The following NWD2 variants were observed in gnomAD, a reference collection of about 807,000 sequenced individuals.
NWD2 encodes NACHT and WD repeat domain-containing protein 2.
NWD2 carries 37 observed loss-of-function variants against 132.7 expected under a neutral mutation model. The ratio of observed to expected loss-of-function variants is 0.28; its 90% CI spans 0.21 to 0.37. The LOEUF (loss-of-function observed/expected upper bound fraction) is 0.37. Among genes scored for constraint, NWD2 ranks in the 10% least tolerant of loss-of-function variants. The pLI is 1.00. For missense variants in NWD2, 1,592 were observed against 2,122.4 expected (o/e 0.75, Z 4.91); for synonymous variants, 705 against 803.0 (o/e 0.88, Z 2.06).
At chr4:37,247,635 G>A (rs1228788634) in intron 1 of NWD2, among the ~76,000 whole-genome samples, 1 of 151,534 alleles carries the variant, frequency 6.6e-6, no homozygotes, top group Non-Finnish European at 1.5e-5. Context: ...TTGAGACAGA[G>A]TCTCGCTCTT....
At chr4:37,438,243 A>G (rs1034748878) in intron 5 of NWD2, among the ~76,000 whole-genome samples, 4 of 151,704 alleles carry the variant, frequency 2.6e-5, no homozygotes. Flanking sequence ...CCTGGGCGAC[A>G]GAGCGAGACT....
At chr4:37,252,629 C>G (rs1371318718) in intron 1 of NWD2, among the ~76,000 whole-genome samples, 1 of 152,172 alleles carries the variant, frequency 6.6e-6, no homozygotes, top group Non-Finnish European at 1.5e-5. Flanking sequence ...CAGCTTCTTT[C>G]AGCTAAGCCT....
chr4:37,442,314 T>G (rs1712507645), intron 6 of NWD2, among the ~76,000 whole-genome samples: 1 of 152,252 alleles, frequency 6.6e-6, no homozygotes, highest in Admixed American at 6.5e-5. Context: ...GAGTATTTTA[T>G]GCCTTGGGCA....
intron 1 of NWD2, among the ~76,000 whole-genome samples, chr4:37,313,669 C>G (rs947042958): frequency 1.3e-5 from 2 of 150,668 alleles, no homozygotes; most frequent in Admixed American, 1.3e-4. Context: ...CGTTTCTATT[C>G]CTTGTTGATG....
chr4:37,352,762 G>A (rs1378804691), intron 2 of NWD2, among the ~76,000 whole-genome samples: 1 of 152,178 alleles, frequency 6.6e-6, no homozygotes. Flanking sequence ...CACATGAGAT[G>A]GGTCTCCTGA....
chr4:37,323,606 C>T (rs749988957), intron 1 of NWD2, among the ~76,000 whole-genome samples: 1 of 152,070 alleles, frequency 6.6e-6, no homozygotes, highest in Non-Finnish European at 1.5e-5. Flanking sequence ...TGTAAATTAG[C>T]TCAGCCACTG....
chr4:37,284,173 AT>A (rs1718181018), intron 1 of NWD2, among the ~76,000 whole-genome samples: 1 of 152,094 alleles, frequency 6.6e-6, no homozygotes, highest in African/African-American at 2.4e-5. Context: ...GTGCCAGCAG[AT>A]TTGGGGTCTG....
chr4:37,380,257 A>C (rs777854858), intron 3 of NWD2, among the ~76,000 whole-genome samples: 1 of 152,318 alleles, frequency 6.6e-6, no homozygotes, highest in African/African-American at 2.4e-5. Context: ...CGGACTCTTA[A>C]CCTACCTAGG....
At position 37,373,508 on chromosome 4, in the gene NWD2, T is replaced by C. The variant is rs1024125524; in HGVS notation, c.357+17026T>C. Among the ~76,000 whole-genome samples, 6 of 152,236 alleles carry C rather than the reference T, an allele frequency of 3.9e-5. No homozygotes were observed. In the East Asian group the frequency reaches 1.2e-3, roughly 29 times the overall value. On this transcript the variant is annotated intron_variant, in intron 3 of 6. Transcript: ENST00000309447. ...AGAGGTTTGGTAGCTTATTGTAACTTGGCTTGGGTATTACTGATAACCCAT... is the reference window on the plus strand; with the variant it reads ...AGAGGTTTGGTAGCTTATTGTAACTCGGCTTGGGTATTACTGATAACCCAT...
chr4:37,379,890 C>T (rs968856021), intron 3 of NWD2, among the ~76,000 whole-genome samples: 3 of 152,160 alleles, frequency 2.0e-5, no homozygotes, highest in Admixed American at 6.5e-5. Flanking sequence ...AAGCCCACTG[C>T]TTTACCCCGT....
intron 2 of NWD2, among the ~76,000 whole-genome samples, chr4:37,347,608 C>T (rs1172529453): frequency 6.6e-6 from 1 of 152,124 alleles, no homozygotes; most frequent in East Asian, 1.9e-4. Context: ...AAAGATTATT[C>T]CTATATTGCT....
At chr4:37,288,174 G>A (rs372184981) in intron 1 of NWD2, among the ~76,000 whole-genome samples, 19 of 152,108 alleles carry the variant, frequency 1.2e-4, no homozygotes, top group East Asian at 9.6e-4. Context: ...TTGAAGGGAG[G>A]GAACTTAGAG....
chr4:37,254,832 T>C (rs1484350793), intron 1 of NWD2, among the ~76,000 whole-genome samples: 2 of 152,216 alleles, frequency 1.3e-5, no homozygotes, highest in Non-Finnish European at 2.9e-5. Flanking sequence ...ATCCAAAATA[T>C]TTCAAAGACT....
chr4:37,253,307 T>C (rs1656193), intron 1 of NWD2, among the ~76,000 whole-genome samples: 17,247 of 152,194 alleles, frequency 0.11, 1,587 homozygotes, highest in African/African-American at 0.26. Flanking sequence ...GGAGAATGCC[T>C]TCATGCATCC....
chr4:37,426,125 C>T (rs1347934156), intron 3 of NWD2, among the ~76,000 whole-genome samples: 3 of 152,172 alleles, frequency 2.0e-5, no homozygotes, highest in Non-Finnish European at 2.9e-5. Flanking sequence ...TGTGTGTTAT[C>T]TTAGAACTGT....
intron 1 of NWD2, among the ~76,000 whole-genome samples, chr4:37,292,531 A>G (rs1322805774): frequency 6.6e-6 from 1 of 152,172 alleles, no homozygotes; most frequent in African/African-American, 2.4e-5. Context: ...TATCCCCACC[A>G]TAAGATATTG....
chr4:37,420,661 C>T (rs904761298), intron 3 of NWD2, among the ~76,000 whole-genome samples: 15 of 151,948 alleles, frequency 9.9e-5, no homozygotes, highest in African/African-American at 2.9e-4. Context: ...TCCAGTCTGG[C>T]GATAGAATTA....
At chr4:37,434,068 G>C in intron 5 of NWD2, 48 bp downstream of exon 5, 1 of 1,263,084 alleles carries the variant, frequency 7.9e-7, no homozygotes, top group South Asian at 1.5e-5. Flanking sequence ...TCATTAATAG[G>C]TACATCTACT....
intron 5 of NWD2, among the ~76,000 whole-genome samples, chr4:37,434,787 C>CTT (rs10707634): frequency 2.1e-5 from 3 of 142,738 alleles, no homozygotes; most frequent in African/African-American, 7.8e-5. Flanking sequence ...TTTTTTTTTT[C>CTT]TTTTTTTTTT....
Sources: gnomAD v4.1 joint callset for allele counts (sites outside exome capture counted in the v4.1 genomes callset) on GRCh38, gnomAD v4.1.1 for gene constraint, MANE v1.5 for transcripts, NCBI Gene and HGNC (gene_info 2026-07-23, HGNC 2026-07-21) for gene names.